The following KITLG variants were observed in gnomAD, a reference collection of about 807,000 sequenced individuals.
KITLG encodes c-Kit ligand.
In KITLG, 13 loss-of-function variants were observed where a neutral mutation model predicts 34.1. That is an observed-to-expected ratio of 0.38 (90% CI 0.25 to 0.61). The LOEUF (loss-of-function observed/expected upper bound fraction) is 0.61, where lower values mean the gene tolerates loss of function less well. Among genes scored for constraint, KITLG ranks in the 20% least tolerant of loss-of-function variants. The pLI, the probability that KITLG is intolerant of heterozygous loss-of-function variation, is 0.60. For missense variants in KITLG, 292 were observed against 318.9 expected (o/e 0.92, Z 0.64); for synonymous variants, 110 against 104.0 (o/e 1.06, Z -0.35).
chr12:88,556,407 C>T (rs1015266409), intron 1 of KITLG, among the ~76,000 whole-genome samples: 1 of 152,010 alleles, frequency 6.6e-6, no homozygotes, highest in Admixed American at 6.6e-5. Context: ...GAGAGGGCAA[C>T]AAACCTGGGG....
chr12:88,541,185 A>G (rs1271290952), intron 2 of KITLG, among the ~76,000 whole-genome samples: 1 of 152,164 alleles, frequency 6.6e-6, no homozygotes, highest in African/African-American at 2.4e-5. Context: ...TCATTACGAT[A>G]ATCTCCATGA....
chr12:88,556,192 T>C (rs932800724), intron 1 of KITLG, among the ~76,000 whole-genome samples: 3 of 146,378 alleles, frequency 2.0e-5, no homozygotes, highest in East Asian at 2.0e-4. Context: ...TTTTACTCCA[T>C]TGGAAAATAA....
At chr12:88,537,122 T>C (rs544186272) in intron 2 of KITLG, among the ~76,000 whole-genome samples, 4 of 152,250 alleles carry the variant, frequency 2.6e-5, no homozygotes, top group South Asian at 2.1e-4. Context: ...AGCAATCCCA[T>C]TGCTGGGTGT....
chr12:88,551,769 C>T (rs1870923533), intron 1 of KITLG, among the ~76,000 whole-genome samples: 1 of 152,090 alleles, frequency 6.6e-6, no homozygotes, highest in African/African-American at 2.4e-5. Flanking sequence ...ATGTCCATGT[C>T]CTAATTCTTG....
chr12:88,554,515 C>T (rs1313201556), intron 1 of KITLG, among the ~76,000 whole-genome samples: 52 of 152,168 alleles, frequency 3.4e-4, no homozygotes, highest in Admixed American at 3.3e-3. Flanking sequence ...TTGAAGCAGG[C>T]AGTTCCCTTG....
intron 1 of KITLG, among the ~76,000 whole-genome samples, chr12:88,573,190 A>G (rs540370359): frequency 6.6e-5 from 10 of 152,200 alleles, no homozygotes; most frequent in Non-Finnish European, 1.3e-4. Context: ...TCCTCCATCT[A>G]GAGTTCTGCA....
chr12:88,505,920 C>G (rs143213164), intron 8 of KITLG, among the ~76,000 whole-genome samples: 11 of 152,226 alleles, frequency 7.2e-5, no homozygotes, highest in African/African-American at 2.6e-4. Flanking sequence ...ACTGAAAGAA[C>G]TAAGCTTAGG....
intron 9 of KITLG, among the ~76,000 whole-genome samples, chr12:88,500,650 C>A (rs1014404499): frequency 2.5e-4 from 38 of 152,202 alleles, no homozygotes; most frequent in African/African-American, 9.2e-4. Context: ...CTATCCACAA[C>A]CCAATATGAA....
rs1326373039 is a variant in KITLG, at chr12:88,545,749, T to C, written c.129+3A>G. 3.3e-6 allele frequency: 5 copies of C among 1,522,982 alleles called. No individual in the cohort carries two copies. The highest frequency in any genetic ancestry group is 3.6e-6 in the Non-Finnish European group (4 of 1,097,472). The allele number at this position is 1,522,982 out of a possible 1,614,324, so 94.3% of individuals were successfully genotyped here. ...ACAGCACGGTAAAGCATTCCTTACT[T>C]ACCAATTTAGTGACGTCTTTTACAT... is the stretch of plus-strand genomic sequence containing the variant. On this transcript the variant is annotated splice_donor_region_variant and intron_variant, in intron 2 of 9. Transcript: ENST00000644744.
intron 9 of KITLG, among the ~76,000 whole-genome samples, chr12:88,499,609 T>C (rs533578008): frequency 1.3e-5 from 2 of 152,158 alleles, no homozygotes; most frequent in African/African-American, 2.4e-5. Context: ...TCTAACATAT[T>C]TGGCCACTGG....
chr12:88,518,901 T>C (rs1233609004), intron 3 of KITLG, 34 bp from the exon 4 acceptor site: 1 of 1,593,566 alleles, frequency 6.3e-7, no homozygotes, highest in East Asian at 2.2e-5. Context: ...AAAACAGCTA[T>C]TTTAATAAGT....
At chr12:88,580,026 T>C in intron 1 of KITLG, 1 of 597,124 alleles carries the variant, frequency 1.7e-6, no homozygotes, top group Non-Finnish European at 3.0e-6. Flanking sequence ...ACTTAACTGC[T>C]GAGGCTCCAA....
chr12:88,543,537 C>T (rs374488136), intron 2 of KITLG, among the ~76,000 whole-genome samples: 33 of 152,076 alleles, frequency 2.2e-4, no homozygotes, highest in African/African-American at 8.0e-4. Flanking sequence ...GGGTTGGTTC[C>T]AAGTCTTTGC....
At chr12:88,524,981 T>C (rs570333284) in intron 3 of KITLG, among the ~76,000 whole-genome samples, 11 of 152,246 alleles carry the variant, frequency 7.2e-5, no homozygotes, top group African/African-American at 2.6e-4. Flanking sequence ...GTAGCCATAG[T>C]TGGTTGGATG....
chr12:88,557,957 A>T (rs143348213), intron 1 of KITLG, among the ~76,000 whole-genome samples: 1 of 152,176 alleles, frequency 6.6e-6, no homozygotes, highest in South Asian at 2.1e-4. Context: ...CATAATTTAT[A>T]CTCTTTCAAA....
chr12:88,567,480 G>T (rs868696696), intron 1 of KITLG, among the ~76,000 whole-genome samples: 59 of 152,134 alleles, frequency 3.9e-4, no homozygotes, highest in African/African-American at 1.4e-3. Context: ...TGAAGTAATG[G>T]ACTGATAAAA....
chr12:88,561,535 T>C (rs76921626), intron 1 of KITLG, among the ~76,000 whole-genome samples: 2,068 of 152,326 alleles, frequency 0.014, 59 homozygotes, highest in African/African-American at 0.047. Context: ...AGGGATCCTC[T>C]AAATAGCCTT....
At chr12:88,542,782 T>C (rs1354068875) in intron 2 of KITLG, among the ~76,000 whole-genome samples, 3 of 152,098 alleles carry the variant, frequency 2.0e-5, no homozygotes, top group Non-Finnish European at 2.9e-5. Flanking sequence ...TTCGGTATAG[T>C]GATGCCCTTA....
At chr12:88,542,449 G>T (rs575420847) in intron 2 of KITLG, among the ~76,000 whole-genome samples, 2 of 152,086 alleles carry the variant, frequency 1.3e-5, no homozygotes, top group Non-Finnish European at 2.9e-5. Flanking sequence ...TAATAGTGGA[G>T]CTGGTATTAA....
Sources: gnomAD v4.1 joint callset for allele counts (sites outside exome capture counted in the v4.1 genomes callset) on GRCh38, gnomAD v4.1.1 for gene constraint, MANE v1.5 for transcripts, NCBI Gene and HGNC (gene_info 2026-07-23, HGNC 2026-07-21) for gene names.